PCED1B: variants seen among roughly 807,000 people sequenced by gnomAD.
The protein encoded by PCED1B is PC-esterase domain-containing protein 1B.
For missense variants in PCED1B, 573 were observed against 573.9 expected, an observed-to-expected ratio of 1.00 and a Z score of 0.02; for synonymous variants, 251 against 246.1, an observed-to-expected ratio of 1.02 and a Z score of -0.19.
Position 47,223,302 on chromosome 12 carries a change from AAGGAGCAAC to A in PCED1B, c.-58+6617_-58+6625del, listed in dbSNP as rs552799286. Among the ~76,000 whole-genome samples, 229 of 152,276 alleles carry A rather than the reference AAGGAGCAAC, an allele frequency of 1.5e-3. 2 individuals carry two copies. The highest frequency in any genetic ancestry group is 2.4e-3 in the Non-Finnish European group (166 of 68,016). On this transcript the variant is annotated intron_variant, in intron 3 of 3. Transcript: ENST00000546455. ...GTAAGAACCAAAAAGTGGCCACTGA[AAGGAGCAAC>A]AGGGAAATCATCGGTGATTTACTAA...
chr12:47,206,189 G>A (rs191763793), intron 2 of PCED1B: 137 of 152,288 alleles, frequency 9.0e-4, no homozygotes, highest in African/African-American at 3.2e-3. Flanking sequence ...AGTTTAGGGA[G>A]GGTCAGAATC....
chr12:47,148,090 C>T (rs1470776706), intron 2 of PCED1B, among the ~76,000 whole-genome samples: 6 of 152,096 alleles, frequency 3.9e-5, no homozygotes, highest in East Asian at 1.9e-4. Context: ...GCTATGCCAT[C>T]GCATGGTGGA....
chr12:47,214,989 C>T (rs781292889), intron 2 of PCED1B, among the ~76,000 whole-genome samples: 1 of 151,948 alleles, frequency 6.6e-6, no homozygotes, highest in African/African-American at 2.4e-5. Flanking sequence ...TGGGTTGAAG[C>T]GATTCTCCTG....
intron 2 of PCED1B, among the ~76,000 whole-genome samples, chr12:47,192,251 A>T (rs1316591117): frequency 6.7e-6 from 1 of 148,404 alleles, no homozygotes; most frequent in African/African-American, 2.5e-5. Context: ...CATGTTGATT[A>T]TAAGTAAAAC....
chr12:47,109,035 A>G (rs747173565), intron 2 of PCED1B, among the ~76,000 whole-genome samples: 36 of 152,228 alleles, frequency 2.4e-4, no homozygotes, highest in Non-Finnish European at 4.1e-4. Flanking sequence ...GAAAACTAAA[A>G]TAAACTTTCC....
chr12:47,123,155 C>T (rs1939748516), intron 2 of PCED1B, among the ~76,000 whole-genome samples: 1 of 152,144 alleles, frequency 6.6e-6, no homozygotes, highest in Non-Finnish European at 1.5e-5. Flanking sequence ...TTCCACAAAA[C>T]AAGGTAATGT....
rs755246150 is a variant in PCED1B at position 47,235,115 on chromosome 12, G to A, written c.52G>A (p.Val18Met). ...GCGGCAGCTGCTTCACAATAAGTTC[G>A]TGGTCATCCTGGGGGACTCTGTGCA... ...EVRQLLHNKF[V>M]VILGDSVHRA... The change falls in exon 4 of 4, where the codon GTG becomes ATG. Residue 18 changes from valine to methionine, a missense_variant. Physicochemically the swap from Val to Met is conservative, Grantham distance 21. Coordinates refer to ENST00000546455, the MANE Select transcript of PCED1B (RefSeq NM_138371.3). The A allele has an allele frequency of 6.5e-7, 1 of 1,532,784 alleles. No individual in the cohort carries two copies. The highest frequency in any genetic ancestry group is 2.3e-5 in the East Asian group (1 of 44,214). The allele number at this position is 1,532,784 out of a possible 1,614,324, so 94.9% of individuals were successfully genotyped here.
intron 3 of PCED1B, among the ~76,000 whole-genome samples, chr12:47,221,217 A>G (rs1261278596): frequency 2.6e-5 from 4 of 152,182 alleles, no homozygotes; most frequent in Non-Finnish European, 5.9e-5. Context: ...AACTGAAAAC[A>G]AATGTGACAT....
intron 2 of PCED1B, among the ~76,000 whole-genome samples, chr12:47,153,068 G>C (rs73108123): frequency 6.6e-6 from 1 of 152,012 alleles, no homozygotes; most frequent in African/African-American, 2.4e-5. Flanking sequence ...TAGAAATTCA[G>C]GCCGGGCACA....
intron 2 of PCED1B, chr12:47,208,488 C>T (rs1319716466): frequency 6.6e-6 from 1 of 152,216 alleles, no homozygotes; most frequent in Non-Finnish European, 1.5e-5. Flanking sequence ...ACTGCAACCT[C>T]TACCTCCCAG....
intron 2 of PCED1B, among the ~76,000 whole-genome samples, chr12:47,173,398 C>T (rs1027542857): frequency 6.6e-6 from 1 of 152,080 alleles, no homozygotes; most frequent in Non-Finnish European, 1.5e-5. Flanking sequence ...GGACTAGAAG[C>T]GCCCGCCACC....
In PCED1B at chr12:47,201,056, G is replaced by A. The variant is rs146487231; in HGVS notation, c.-525-15166G>A. On this transcript the variant is annotated intron_variant, in intron 2 of 3. Coordinates refer to ENST00000546455, the MANE Select transcript of PCED1B (RefSeq NM_138371.3). ...GAGTTAAGAGTCCCTTTATTTAGCCGGCGGCCAAGAGACGGCTAACGCTCC... is the reference window on the plus strand; with the variant it reads ...GAGTTAAGAGTCCCTTTATTTAGCCAGCGGCCAAGAGACGGCTAACGCTCC... 5.9e-3 allele frequency among the ~76,000 whole-genome samples: 901 copies of A among 152,258 alleles called. 10 individuals carry two copies. Among genetic ancestry groups the A allele is most frequent in the African/African-American group, 0.02 (840 of 41,546 alleles).
chr12:47,236,227 T>C lies in PCED1B; in HGVS notation c.1164T>C (p.Arg388=), dbSNP rs1314106935. The C allele has an allele frequency of 6.2e-7, 1 of 1,614,138 alleles. No homozygotes were observed. The highest frequency in any genetic ancestry group is 1.3e-5 in the African/African-American group (1 of 75,030). The stretch of plus-strand genomic sequence containing the variant: ...CTATGCCCTTCTTCCCCACACCCCG[T>C]TATCAGCGGCCTGCCCCAGTGGTAC... ...QLPMPFFPTP[R]YQRPAPVVHR... Residue 388 remains arginine, a synonymous_variant, in exon 4 of 4, where the codon CGT becomes CGC. Transcript: ENST00000546455.
At chr12:47,221,611 C>A (rs1242148559) in intron 3 of PCED1B, among the ~76,000 whole-genome samples, 3 of 152,186 alleles carry the variant, frequency 2.0e-5, no homozygotes, top group Non-Finnish European at 4.4e-5. Flanking sequence ...TATTTCCACC[C>A]AATTATGTAT....
chr12:47,107,124 G>T (rs891316846), intron 2 of PCED1B, among the ~76,000 whole-genome samples: 4 of 152,126 alleles, frequency 2.6e-5, no homozygotes, highest in African/African-American at 9.7e-5. Context: ...CTGATTCTTT[G>T]TTCAGAGTTA....
At chr12:47,209,267 T>C (rs909070245) in intron 2 of PCED1B, 1 of 152,158 alleles carries the variant, frequency 6.6e-6, no homozygotes, top group Non-Finnish European at 1.5e-5. Context: ...AAGGTAACAA[T>C]AGGCTGGGCT....
At chr12:47,168,506 G>A (rs983725100) in intron 2 of PCED1B, among the ~76,000 whole-genome samples, 2 of 151,650 alleles carry the variant, frequency 1.3e-5, no homozygotes, top group Non-Finnish European at 2.9e-5. Context: ...TTATTATTTT[G>A]CTTTCTTGTT....
chr12:47,226,010 C>T (rs574934929), intron 3 of PCED1B, among the ~76,000 whole-genome samples: 1 of 152,082 alleles, frequency 6.6e-6, no homozygotes, highest in Non-Finnish European at 1.5e-5. Context: ...GCTTATGAAG[C>T]TATTAAAAAA....
intron 2 of PCED1B, among the ~76,000 whole-genome samples, chr12:47,171,171 G>A (rs908389432): frequency 9.3e-5 from 14 of 150,318 alleles, no homozygotes; most frequent in East Asian, 6.0e-4. Context: ...GGGTTCAAGC[G>A]ATTGCTCTGC....
Sources: gnomAD v4.1 joint callset for allele counts (sites outside exome capture counted in the v4.1 genomes callset) on GRCh38, gnomAD v4.1.1 for gene constraint, MANE v1.5 for transcripts, NCBI Gene and HGNC (gene_info 2026-07-23, HGNC 2026-07-21) for gene names.